Variants in SWI5 observed in about 807,000 individuals in gnomAD.
SWI5 encodes SWI5 homologous recombination repair protein, also known as DNA repair protein SWI5 homolog.
A neutral mutation model predicts 17.0 loss-of-function variants in SWI5; 12 were observed. The observed-to-expected ratio is 0.71, with a 90% CI of 0.45 to 1.14. The LOEUF (loss-of-function observed/expected upper bound fraction) is 1.14. Among genes scored for constraint, SWI5 ranks in the 50% most tolerant of loss-of-function variants. The pLI, the probability that SWI5 is intolerant of heterozygous loss-of-function variation, is 0.00. For missense variants in SWI5, 158 were observed against 162.2 expected, an observed-to-expected ratio of 0.97 and a Z score of 0.14; for synonymous variants, 61 against 64.0, an observed-to-expected ratio of 0.95 and a Z score of 0.22.
chr9:128,288,912 A>G (rs1831691960), exon 5 of SWI5: 2 of 607,222 alleles, frequency 3.3e-6, no homozygotes, highest in Admixed American at 3.0e-5. Context: ...CCCAGCTCCA[A>G]GGTTCCTGAA....
At chr9:128,284,703 C>T in intron 3 of SWI5, 72 bp downstream of exon 3, 2 of 1,544,674 alleles carry the variant, frequency 1.3e-6, no homozygotes, top group Non-Finnish European at 1.8e-6. Flanking sequence ...CGCCTGTAAT[C>T]CCAGCACTTT....
At chr9:128,279,548 C>T (rs1173507695) in intron 2 of SWI5, among the ~76,000 whole-genome samples, 1 of 152,220 alleles carries the variant, frequency 6.6e-6, no homozygotes, top group Non-Finnish European at 1.5e-5. Flanking sequence ...TCAGCATTTT[C>T]TTCTATGCAC....
chr9:128,280,895 CAT>C (rs1335184993), intron 2 of SWI5, among the ~76,000 whole-genome samples: 6 of 152,304 alleles, frequency 3.9e-5, no homozygotes, highest in Middle Eastern at 3.4e-3. Context: ...CCCCCGAACA[CAT>C]GTGCTGTCTC....
rs137999812 is a variant in SWI5, at chr9:128,284,828, C to T, written c.233+197C>T. ...AAAAATAGCTGGGCACAGTGGTACG[C>T]GCATGTAGTCCCAGCTACTTGGGAG... On this transcript the variant is annotated intron_variant, in intron 3 of 4. Transcript: ENST00000418976. Among the ~76,000 whole-genome samples the T allele has an allele frequency of 6.8e-4, 103 of 151,950 alleles. No homozygotes were observed. The East Asian group carries it at 0.012, about 18-fold the overall frequency.
Position 128,284,895 on chromosome 9 carries a change from G to A in SWI5, c.233+264G>A, listed in dbSNP as rs370538083. Among the ~76,000 whole-genome samples the A allele has an allele frequency of 6.6e-4, 99 of 149,518 alleles. 1 individual carries two copies. Among genetic ancestry groups the A allele is most frequent in the African/African-American group, 2.3e-3 (94 of 40,300 alleles). On this transcript the variant is annotated intron_variant, in intron 3 of 4. Coordinates refer to ENST00000418976, the Ensembl canonical transcript of SWI5. ...CGCTTAAACCTGGGAGATGGAGGTTGCAGTCAGCTGAGATCACGCCACTGC... is the reference window on the plus strand; with the variant it reads ...CGCTTAAACCTGGGAGATGGAGGTTACAGTCAGCTGAGATCACGCCACTGC...
intron 4 of SWI5, among the ~76,000 whole-genome samples, chr9:128,286,691 G>A (rs1831645310): frequency 6.6e-6 from 1 of 152,192 alleles, no homozygotes; most frequent in African/African-American, 2.4e-5. Context: ...TCAGCATCCA[G>A]GATTCCACGG....
At chr9:128,284,883 G>T (rs745927462) in intron 3 of SWI5, among the ~76,000 whole-genome samples, 1 of 150,588 alleles carries the variant, frequency 6.6e-6, no homozygotes, top group Non-Finnish European at 1.5e-5. Context: ...TTAAACCTGG[G>T]AGATGGAGGT....
chr9:128,276,529 G>GC, intron 1 of SWI5, 127 bp downstream of exon 1: 2 of 1,566,926 alleles, frequency 1.3e-6, no homozygotes, highest in African/African-American at 2.7e-5. Context: ...GTCTCAGAAC[G>GC]CCCCCTTCCT....
chr9:128,284,524 G>T (rs1223206219), exon 3 of SWI5: 1 of 1,613,496 alleles, frequency 6.2e-7, no homozygotes, highest in Non-Finnish European at 8.5e-7. Flanking sequence ...CATTGCCCAA[G>T]TCTGGCCAGG....
chr9:128,284,703 C>G, intron 3 of SWI5, 72 bp downstream of exon 3: 2 of 1,544,674 alleles, frequency 1.3e-6, no homozygotes, highest in Non-Finnish European at 1.8e-6. Flanking sequence ...CGCCTGTAAT[C>G]CCAGCACTTT....
chr9:128,275,847 G>C, upstream of SWI5: 1 of 1,005,150 alleles, frequency 9.9e-7, no homozygotes, highest in South Asian at 1.4e-5. Context: ...TGCCATCGGA[G>C]TGGGGCTGGG....
At chr9:128,279,453 G>A (rs1428701806) in intron 2 of SWI5, among the ~76,000 whole-genome samples, 1 of 152,194 alleles carries the variant, frequency 6.6e-6, no homozygotes, top group Non-Finnish European at 1.5e-5. Context: ...CCAAGTGATT[G>A]ATAAGATCAA....
At chr9:128,278,006 G>A (rs1166088590) in intron 2 of SWI5, among the ~76,000 whole-genome samples, 4 of 140,176 alleles carry the variant, frequency 2.9e-5, no homozygotes, top group South Asian at 2.2e-4. Flanking sequence ...GGGCTGGAGT[G>A]CAATGGTGCG....
rs1392767025 is a variant in SWI5 at position 128,285,934 on chromosome 9, C to A, written c.234-5C>A. The A allele has an allele frequency of 6.2e-7, 1 of 1,610,124 alleles. No individual in the cohort carries two copies. Among genetic ancestry groups the A allele is most frequent in the African/African-American group, 1.3e-5 (1 of 74,966 alleles). ...CTTTCCCCCTCTCTCCATCGCTTATCCCAGAGGCTACAGTGTGGATGAACT... is the reference window on the plus strand; with the variant it reads ...CTTTCCCCCTCTCTCCATCGCTTATACCAGAGGCTACAGTGTGGATGAACT... On this transcript the variant is annotated splice_region_variant and splice_polypyrimidine_tract_variant and intron_variant, in intron 3 of 4. Transcript: ENST00000418976. The surrounding 1 kb of genome is among the most constrained non-coding windows in gnomAD (Gnocchi z 4.8).
exon 5 of SWI5, chr9:128,288,896 G>C (rs997680158): frequency 3.0e-5 from 19 of 630,202 alleles, no homozygotes; most frequent in Non-Finnish European, 5.3e-5. Flanking sequence ...GGGAGGAAGG[G>C]GCGTTCCCAG....
chr9:128,283,227 C>T (rs1441447133), intron 2 of SWI5, among the ~76,000 whole-genome samples: 1 of 152,148 alleles, frequency 6.6e-6, no homozygotes. Flanking sequence ...GAGGCTGAGG[C>T]AGGAGAATTG....
chr9:128,277,638 A>G (rs1281407777), intron 2 of SWI5, among the ~76,000 whole-genome samples: 1 of 152,248 alleles, frequency 6.6e-6, no homozygotes, highest in Admixed American at 6.5e-5. Context: ...TATGCCAGAT[A>G]GCCCCCTGCC....
chr9:128,287,557 C>CTTTTTTTCCT (rs1831664840), intron 4 of SWI5, among the ~76,000 whole-genome samples: 3 of 123,036 alleles, frequency 2.4e-5, no homozygotes, highest in African/African-American at 1.0e-4. Context: ...TGGCCTATCC[C>CTTTTTTTCCT]TTTTTTTTTT....
At chr9:128,284,590 G>C (rs1410716183) in exon 3 of SWI5, 2 of 1,613,920 alleles carry the variant, frequency 1.2e-6, no homozygotes, top group Admixed American at 1.7e-5. Flanking sequence ...TGAAGGAGAA[G>C]AGGGACATGC....
Sources: allele counts gnomAD v4.1 joint callset (sites outside exome capture counted in the v4.1 genomes callset), GRCh38; gene constraint gnomAD v4.1.1; non-coding constraint Gnocchi (gnomAD v3.1); transcripts MANE v1.5; gene names NCBI Gene and HGNC (gene_info 2026-07-23, HGNC 2026-07-21).